Variants in PSMC6 observed in about 807,000 individuals in gnomAD.
PSMC6 encodes the protein 26S proteasome regulatory subunit 10B.
PSMC6 carries 3 observed loss-of-function variants against 55.9 expected under a neutral mutation model. That is an observed-to-expected ratio of 0.05 (90% CI 0.02 to 0.14). The LOEUF (loss-of-function observed/expected upper bound fraction) is 0.14, where lower values mean the gene tolerates loss of function less well. Among genes scored for constraint, PSMC6 ranks in the 10% least tolerant of loss-of-function variants. The pLI is 1.00. For synonymous variants in PSMC6, 137 were observed against 155.9 expected (o/e 0.88, Z 0.90); for missense variants, 210 against 478.7 (o/e 0.44, Z 5.24).
chr14:52,714,374 TCTC>T lies in PSMC6; in HGVS notation c.529+410_529+412del, dbSNP rs201052089. ...AAATTTGATGTGGGCAGTTCCAACT[TCTC>T]CTCTCTTCAGAGTGAGAATGAGATA... On this transcript the variant is annotated intron_variant, in intron 7 of 13. Transcript: ENST00000445930. 8.2e-4 allele frequency among the ~76,000 whole-genome samples: 125 copies of T among 152,258 alleles called. 1 individual carries two copies. In the East Asian group the frequency reaches 0.018, roughly 22 times the overall value.
intron 4 of PSMC6, chr14:52,710,108 T>C (rs1011842844): frequency 6.5e-6 from 1 of 153,154 alleles, no homozygotes; most frequent in Admixed American, 6.5e-5. Context: ...CGAAATTGTA[T>C]TGGCACGCAG....
At chr14:52,726,832 G>A (rs1369182168) in intron 13 of PSMC6, among the ~76,000 whole-genome samples, 2 of 151,870 alleles carry the variant, frequency 1.3e-5, no homozygotes, top group Non-Finnish European at 2.9e-5. Context: ...AGTAGAAACG[G>A]GGTTTTACCA....
intron 10 of PSMC6, among the ~76,000 whole-genome samples, chr14:52,719,490 G>A (rs1374797241): frequency 6.6e-6 from 1 of 152,180 alleles, no homozygotes; most frequent in Non-Finnish European, 1.5e-5. Flanking sequence ...ATAGATGACA[G>A]AATGAAAGAA....
chr14:52,718,072 C>A lies in PSMC6; in HGVS notation c.530-9C>A. 1 of 1,611,564 alleles carries A rather than the reference C, an allele frequency of 6.2e-7. No homozygotes were observed. The highest frequency in any genetic ancestry group is 1.1e-5 in the South Asian group (1 of 90,798). On this transcript the variant is annotated splice_polypyrimidine_tract_variant and intron_variant, in intron 7 of 13. Coordinates refer to ENST00000445930, the MANE Select transcript of PSMC6 (RefSeq NM_002806.5). ...ACCATCTAATTAAGACTTCTTTTGT[C>A]ATTCTTAGGTACGGGAAAAACACTC... is the stretch of plus-strand genomic sequence containing the variant.
At chr14:52,717,109 C>T (rs913068421) in intron 7 of PSMC6, among the ~76,000 whole-genome samples, 2 of 152,088 alleles carry the variant, frequency 1.3e-5, no homozygotes, top group African/African-American at 4.8e-5. Context: ...TTAGCTATTT[C>T]AAAATTGCTA....
chr14:52,721,483 T>C (rs2041889536), intron 12 of PSMC6: 1 of 244,774 alleles, frequency 4.1e-6, no homozygotes, highest in South Asian at 8.3e-5. Context: ...TAGATGATGA[T>C]AAGTGCTATG....
Position 52,723,976 on chromosome 14 carries a change from A to G in PSMC6, c.991A>G (p.Ile331Val), listed in dbSNP as rs150366196. ...TKHGEIDYEA[I>V]VKLSDGFNGA... ...TTTTTTCTAAACAGATTATGAAGCA[A>G]TTGTGAAGCTTTCGGATGGCTTTAA... The change falls in exon 13 of 14, where the codon ATT becomes GTT. Residue 331 changes from isoleucine (I) to valine (V), a missense_variant. By Grantham distance (29) the Ile-to-Val change is conservative (BLOSUM62 3). This residue lies in a region of PSMC6 where 79 missense variants were observed against 158.7 expected (regional missense o/e 0.50). Coordinates refer to ENST00000445930, the MANE Select transcript of PSMC6 (RefSeq NM_002806.5). 8.0e-5 allele frequency: 129 copies of G among 1,613,820 alleles called. 1 individual carries two copies. In the Middle Eastern group the frequency reaches 1.8e-3, roughly 23 times the overall value.
chr14:52,722,130 C>T (rs1307038313), intron 12 of PSMC6: 1 of 152,238 alleles, frequency 6.6e-6, no homozygotes, highest in African/African-American at 2.4e-5. Flanking sequence ...AAAGAGTTCT[C>T]AGAGTAGACC....
At position 52,727,875 on chromosome 14, in the gene PSMC6, A is replaced by T. The variant is rs1218968099; in HGVS notation, c.*258A>T. On this transcript the variant is annotated 3_prime_UTR_variant, in exon 14 of 14. Coordinates refer to ENST00000445930, the MANE Select transcript of PSMC6 (RefSeq NM_002806.5). ...ATATTTGCTGCGTGAGCATTTTGTA[A>T]AATATTGAAAGTGGTTTGAGATAGT... is the stretch of plus-strand genomic sequence containing the variant. The T allele has an allele frequency of 1.3e-5, 4 of 311,626 alleles. No homozygotes were observed. Among genetic ancestry groups the T allele is most frequent in the African/African-American group, 2.2e-5 (1 of 46,362 alleles). 19.3% of individuals were successfully genotyped at this position (311,626 alleles called of 1,614,324 possible). A position where few individuals can be genotyped will look rare whatever the true frequency, so the allele number is the denominator to read the frequency against.
chr14:52,715,525 G>C (rs1350470839), intron 7 of PSMC6, among the ~76,000 whole-genome samples: 1 of 152,006 alleles, frequency 6.6e-6, no homozygotes, highest in Non-Finnish European at 1.5e-5. Context: ...TATTGCCATT[G>C]ATAAAATATG....
chr14:52,727,112 C>T (rs1459239998), intron 13 of PSMC6, among the ~76,000 whole-genome samples: 1 of 150,662 alleles, frequency 6.6e-6, no homozygotes, highest in African/African-American at 2.5e-5. Context: ...CCTCCGCCTC[C>T]TGGGTTCAAG....
chr14:52,710,904 G>C (rs1479847004), intron 4 of PSMC6, 197 bp from the exon 5 acceptor site: 2 of 592,304 alleles, frequency 3.4e-6, no homozygotes, highest in African/African-American at 1.9e-5. Context: ...AAAGGGGCAT[G>C]CTTTTAAGGA....
At position 52,711,074 on chromosome 14, in the gene PSMC6, GTAATATC is replaced by G. The variant is rs746918988; in HGVS notation, c.259-25_259-19del. The G allele has an allele frequency of 2.7e-5, 42 of 1,552,232 alleles. No homozygotes were observed. Among genetic ancestry groups the G allele is most frequent in the Non-Finnish European group, 3.5e-5 (40 of 1,133,888 alleles). On this transcript the variant is annotated intron_variant, in intron 4 of 13. Coordinates refer to ENST00000445930, the MANE Select transcript of PSMC6 (RefSeq NM_002806.5). ...TGTTATTCCGTTTTTAAGTGTTGAT[GTAATATC>G]TTTTGTTTTACAAAACTAGCTTGAC...
rs775631269 is a variant in PSMC6 at position 52,711,510 on chromosome 14, C to T, written c.427C>T (p.Arg143Trp). 4.4e-6 allele frequency: 7 copies of T among 1,607,026 alleles called. No homozygotes were observed. Among genetic ancestry groups the T allele is most frequent in the Middle Eastern group, 1.7e-4 (1 of 6,032 alleles). The change falls in exon 6 of 14, where the codon CGG becomes TGG. Residue 143 changes from arginine (R) to tryptophan (W), a missense_variant. By Grantham distance (101) the Arg-to-Trp change is moderately radical (BLOSUM62 -3). Coordinates refer to ENST00000445930, the MANE Select transcript of PSMC6 (RefSeq NM_002806.5). ...GATTGGAGGGCTATCAGAACAGATC[C>T]GGGAATTAAGAGAGGTTGGTACTGT... ...SEIGGLSEQI[R>W]ELREVIELPL...
chr14:52,717,452 C>T (rs982746511), intron 7 of PSMC6, among the ~76,000 whole-genome samples: 2 of 150,354 alleles, frequency 1.3e-5, no homozygotes, highest in African/African-American at 2.4e-5. Context: ...TCTCCTGCCT[C>T]AGCCTCCCCA....
At chr14:52,720,800 G>T (rs1420421133) in intron 10 of PSMC6, 61 bp from the exon 11 acceptor site, 2 of 1,346,220 alleles carry the variant, frequency 1.5e-6, no homozygotes, top group African/African-American at 2.9e-5. Flanking sequence ...CATATAAAAG[G>T]TGTGTGCTAT....
At chr14:52,726,380 T>TC (rs1880411531) in intron 13 of PSMC6, among the ~76,000 whole-genome samples, 1 of 152,200 alleles carries the variant, frequency 6.6e-6, no homozygotes. Context: ...GAATAATGAC[T>TC]CCGAGTTTTG....
chr14:52,727,644 A>T lies in PSMC6; in HGVS notation c.*27A>T, dbSNP rs1880475603. 1.4e-6 allele frequency: 2 copies of T among 1,459,808 alleles called. No homozygotes were observed. The allele number at this position is 1,459,808 out of a possible 1,614,324, so 90.4% of individuals were successfully genotyped here. On this transcript the variant is annotated 3_prime_UTR_variant, in exon 14 of 14. Coordinates refer to ENST00000445930, the MANE Select transcript of PSMC6 (RefSeq NM_002806.5). ...TTACTGTAAGATTTTTGATGGCTGCATGACAGATGTTGGCTTATTGTAAAA... is the reference window on the plus strand; with the variant it reads ...TTACTGTAAGATTTTTGATGGCTGCTTGACAGATGTTGGCTTATTGTAAAA...
intron 7 of PSMC6, among the ~76,000 whole-genome samples, chr14:52,717,098 A>G (rs1263529704): frequency 1.3e-5 from 2 of 152,210 alleles, no homozygotes; most frequent in Non-Finnish European, 2.9e-5. Context: ...TTAATAATGT[A>G]TTAGCTATTT....
Sources: gnomAD v4.1 joint callset for allele counts (sites outside exome capture counted in the v4.1 genomes callset) on GRCh38, gnomAD v4.1.1 for gene constraint, gnomAD v4.1.1 regional missense constraint, MANE v1.5 for transcripts, NCBI Gene and HGNC (gene_info 2026-07-23, HGNC 2026-07-21) for gene names.